SPATA13: variants seen among roughly 807,000 people sequenced by gnomAD.
The protein encoded by SPATA13 is spermatogenesis associated 13.
A neutral mutation model predicts 104.0 loss-of-function variants in SPATA13; 50 were observed. That is an observed-to-expected ratio of 0.48 (90% CI 0.38 to 0.61). The LOEUF (loss-of-function observed/expected upper bound fraction) is 0.61. SPATA13 is among the 20% of genes least tolerant of loss of function. SPATA13 has a pLI of 0.00. For missense variants in SPATA13, 1,524 were observed against 1,690.6 expected, an observed-to-expected ratio of 0.90 and a Z score of 1.73; for synonymous variants, 606 against 667.5, an observed-to-expected ratio of 0.91 and a Z score of 1.42.
intron 4 of SPATA13, among the ~76,000 whole-genome samples, chr13:24,277,463 G>A (rs67518255): frequency 0.39 from 12,806 of 33,178 alleles, 1,574 homozygotes; most frequent in African/African-American, 0.41. Flanking sequence ...AAAAAAAAAA[G>A]AAGAAGTTCA....
intron 3 of SPATA13, among the ~76,000 whole-genome samples, chr13:24,098,460 G>A (rs1258509377): frequency 6.6e-6 from 1 of 152,006 alleles, no homozygotes; most frequent in Non-Finnish European, 1.5e-5. Context: ...AGCCAGGTGT[G>A]GTGGTGCAAG....
chr13:24,195,372 G>A (rs1042062193), intron 1 of SPATA13, among the ~76,000 whole-genome samples: 4 of 152,094 alleles, frequency 2.6e-5, no homozygotes, highest in Admixed American at 6.6e-5. Flanking sequence ...TATTTGGTTC[G>A]TTTCCCCCTT....
At chr13:23,991,428 C>T (rs555262070) in intron 2 of SPATA13, among the ~76,000 whole-genome samples, 49 of 152,284 alleles carry the variant, frequency 3.2e-4, no homozygotes, top group Non-Finnish European at 2.4e-4. Context: ...AGTAAGCAAA[C>T]TTTCAGCTGA....
intron 4 of SPATA13, among the ~76,000 whole-genome samples, chr13:24,283,370 T>C (rs1016579702): frequency 9.2e-5 from 14 of 152,222 alleles, no homozygotes; most frequent in African/African-American, 4.8e-5. Flanking sequence ...GATTGCTTCT[T>C]GGACTTTTGG....
Position 24,223,539 on chromosome 13 carries a change from C to T in SPATA13, c.610C>T (p.Arg204Cys), listed in dbSNP as rs1243069895. ...QRSTHRSRSLRRAYGLGRICL... is the reference protein window; with the variant it reads ...QRSTHRSRSLCRAYGLGRICL... ...GAGCACACACCGCTCCCGCAGCCTC[C>T]GCAGAGCCTACGGCCTGGGCCGCAT... Residue 204 changes from arginine to cysteine, a missense_variant, in exon 2 of 13, where the codon CGC (arginine) becomes TGC (cysteine). Arg to Cys is a radical substitution (Grantham distance 180). This residue lies in a region of SPATA13 where 1,089 missense variants were observed against 1,135.9 expected (regional missense o/e 0.96). Transcript: ENST00000382108. The T allele has an allele frequency of 1.2e-5, 18 of 1,549,038 alleles. No homozygotes were observed. The highest frequency in any genetic ancestry group is 6.8e-5 in the African/African-American group (5 of 73,060).
intron 3 of SPATA13, among the ~76,000 whole-genome samples, chr13:24,063,875 G>C (rs1354242635): frequency 6.6e-6 from 1 of 152,142 alleles, no homozygotes; most frequent in Non-Finnish European, 1.5e-5. Context: ...CACCATCCCA[G>C]CATTATTCCA....
At chr13:24,218,456 G>A (rs1000149421) in intron 1 of SPATA13, among the ~76,000 whole-genome samples, 1 of 152,122 alleles carries the variant, frequency 6.6e-6, no homozygotes, top group Admixed American at 6.5e-5. Context: ...CAGCCTCACT[G>A]GGCCCTAGCA....
chr13:24,189,973 TATTA>T (rs1869510352), intron 1 of SPATA13, among the ~76,000 whole-genome samples: 1 of 96,756 alleles, frequency 1.0e-5, no homozygotes, highest in Non-Finnish European at 1.8e-5. Context: ...ATAAAATATA[TATTA>T]TATAAATAAT....
At chr13:24,082,844 A>C (rs1171621348) in intron 3 of SPATA13, among the ~76,000 whole-genome samples, 3 of 150,970 alleles carry the variant, frequency 2.0e-5, no homozygotes, top group Admixed American at 1.3e-4. Flanking sequence ...AAAAAAAAAA[A>C]AAAAAAAAAA....
At chr13:24,082,218 C>T (rs1024973735) in intron 3 of SPATA13, among the ~76,000 whole-genome samples, 1 of 152,120 alleles carries the variant, frequency 6.6e-6, no homozygotes, top group African/African-American at 2.4e-5. Flanking sequence ...CAGGGGAGGA[C>T]GCTGAGGTTC....
At chr13:24,036,767 A>G (rs951124952) in intron 3 of SPATA13, among the ~76,000 whole-genome samples, 3 of 152,032 alleles carry the variant, frequency 2.0e-5, no homozygotes, top group Admixed American at 2.0e-4. Flanking sequence ...AAATAACGTT[A>G]TTGTCGGTAC....
chr13:24,298,581 C>T (rs1876954711), intron 11 of SPATA13, among the ~76,000 whole-genome samples: 1 of 152,158 alleles, frequency 6.6e-6, no homozygotes, highest in African/African-American at 2.4e-5. Flanking sequence ...GAATGGAAGT[C>T]AGGGAGCCAC....
intron 3 of SPATA13, among the ~76,000 whole-genome samples, chr13:24,026,503 T>C (rs1056272254): frequency 1.3e-5 from 2 of 152,232 alleles, no homozygotes; most frequent in African/African-American, 4.8e-5. Flanking sequence ...ATTTGGCCCT[T>C]TATGTTTGGT....
At chr13:24,094,854 C>A (rs1012263327) in intron 3 of SPATA13, among the ~76,000 whole-genome samples, 1 of 152,130 alleles carries the variant, frequency 6.6e-6, no homozygotes, top group Non-Finnish European at 1.5e-5. Flanking sequence ...TAAGTAAAAA[C>A]CTCCTTACCA....
At chr13:24,006,770 G>A (rs1039303943) in intron 2 of SPATA13, among the ~76,000 whole-genome samples, 1 of 152,204 alleles carries the variant, frequency 6.6e-6, no homozygotes, top group Non-Finnish European at 1.5e-5. Context: ...CCAAGCTCCT[G>A]GTGCCCTTGC....
chr13:24,166,017 G>T (rs1333025376), intron 1 of SPATA13, among the ~76,000 whole-genome samples: 1 of 152,186 alleles, frequency 6.6e-6, no homozygotes, highest in Non-Finnish European at 1.5e-5. Flanking sequence ...CTTCCTGGGG[G>T]GTGGAGTGCT....
chr13:23,995,555 C>T lies in SPATA13; in HGVS notation c.-147+11622C>T, dbSNP rs182647767. 5.4e-3 allele frequency among the ~76,000 whole-genome samples: 815 copies of T among 152,248 alleles called. 12 individuals carry two copies. Among genetic ancestry groups the T allele is most frequent in the Non-Finnish European group, 4.3e-3 (292 of 68,018 alleles). On this transcript the variant is annotated intron_variant, in intron 2 of 14. Transcript: ENST00000424834. ...CTCAAAACAGATGAAATCTCCATAT[C>T]GACTGAGGTTTTCCCTTTGAGATAA...
At chr13:24,131,522 T>C (rs1881388650) in intron 3 of SPATA13, among the ~76,000 whole-genome samples, 1 of 152,236 alleles carries the variant, frequency 6.6e-6, no homozygotes, top group African/African-American at 2.4e-5. Context: ...GATTTTGTGC[T>C]ACTTCCAGGT....
intron 3 of SPATA13, among the ~76,000 whole-genome samples, chr13:24,077,220 G>C (rs1879359347): frequency 7.7e-6 from 1 of 130,598 alleles, no homozygotes; most frequent in Non-Finnish European, 1.5e-5. Flanking sequence ...ATTTTCCTAC[G>C]AGAAATAGCC....
Sources: gnomAD v4.1 joint callset for allele counts (sites outside exome capture counted in the v4.1 genomes callset) on GRCh38, gnomAD v4.1.1 for gene constraint, gnomAD v4.1.1 regional missense constraint, MANE v1.5 for transcripts, NCBI Gene and HGNC (gene_info 2026-07-23, HGNC 2026-07-21) for gene names.